Variants in DNAJC10 observed in about 807,000 individuals in gnomAD.
DNAJC10 encodes DnaJ heat shock protein family (Hsp40) member C10.
In DNAJC10, 101 loss-of-function variants were observed where a neutral mutation model predicts 115.0. That is an observed-to-expected ratio of 0.88 (90% CI 0.75 to 1.04). The LOEUF (loss-of-function observed/expected upper bound fraction) is 1.04. DNAJC10 is among the 50% of genes least tolerant of loss of function. The pLI, the probability that DNAJC10 is intolerant of heterozygous loss-of-function variation, is 0.00. For synonymous variants in DNAJC10, 307 were observed against 301.5 expected (o/e 1.02, Z -0.19); for missense variants, 981 against 928.8 (o/e 1.06, Z -0.73).
At chr2:182,770,227 A>G (rs1694524776) in intron 22 of DNAJC10, among the ~76,000 whole-genome samples, 3 of 152,100 alleles carry the variant, frequency 2.0e-5, no homozygotes, top group African/African-American at 7.2e-5. Flanking sequence ...GCCTTGTAGT[A>G]TAGTTTGAAG....
chr2:182,789,912 TTTAAA>T lies in DNAJC10; in HGVS notation c.*12784_*12788del, dbSNP rs749196727. ...AGTTTTGATTTGTACTTTTAGAGTC[TTTAAA>T]TTATTACTTTTTCCATATCAAAGTA... On this transcript the variant is annotated 3_prime_UTR_variant, in exon 24 of 24. Transcript: ENST00000264065. 4.6e-5 allele frequency: 7 copies of T among 152,362 alleles called. No homozygotes were observed. The highest frequency in any genetic ancestry group is 7.2e-5 in the African/African-American group (3 of 41,596). The allele number at this position is 152,362 out of a possible 1,614,324, so 9.4% of individuals were successfully genotyped here.
chr2:182,794,028 T>G lies in DNAJC10; in HGVS notation c.*16896T>G, dbSNP rs954397896. 1 of 152,140 alleles carries G rather than the reference T, an allele frequency of 6.6e-6. No individual in the cohort carries two copies. Among genetic ancestry groups the G allele is most frequent in the African/African-American group, 2.4e-5 (1 of 41,428 alleles). 9.4% of individuals were successfully genotyped at this position (152,140 alleles called of 1,614,324 possible). On this transcript the variant is annotated 3_prime_UTR_variant, in exon 24 of 24. Transcript: ENST00000264065. Reference sequence around the variant, plus strand: ...TAGCAGGCAGATGATAAATATATTTTTAGGTGGTTAGGTGATGAAACACCT... The same window carrying G: ...TAGCAGGCAGATGATAAATATATTTGTAGGTGGTTAGGTGATGAAACACCT...
chr2:182,775,857 G>A (rs1405025811), intron 23 of DNAJC10, among the ~76,000 whole-genome samples: 1 of 152,064 alleles, frequency 6.6e-6, no homozygotes, highest in South Asian at 2.1e-4. Flanking sequence ...CAGTCACAAA[G>A]GCCAAATATT....
intron 11 of DNAJC10, chr2:182,739,619 C>G: frequency 8.8e-7 from 1 of 1,138,288 alleles, no homozygotes; most frequent in Non-Finnish European, 1.1e-6. Context: ...AAAATATTGA[C>G]AAATAAAGAA....
chr2:182,788,098 G>A lies in DNAJC10; in HGVS notation c.*10966G>A, dbSNP rs1019098475. On this transcript the variant is annotated 3_prime_UTR_variant, in exon 24 of 24. Coordinates refer to ENST00000264065, the MANE Select transcript of DNAJC10 (RefSeq NM_018981.4). ...TCCTTTCCAATTTGAGCCTCGCAGA[G>A]TGGTTCCTACAGAGAAGGGTGGCAA... The A allele has an allele frequency of 3.3e-5, 5 of 152,476 alleles. No individual in the cohort carries two copies. The highest frequency in any genetic ancestry group is 7.3e-5 in the Non-Finnish European group (5 of 68,182). The allele number at this position is 152,476 out of a possible 1,614,324, so 9.4% of individuals were successfully genotyped here.
At chr2:182,772,178 G>C (rs1223447191) in intron 22 of DNAJC10, among the ~76,000 whole-genome samples, 2 of 152,220 alleles carry the variant, frequency 1.3e-5, no homozygotes, top group Non-Finnish European at 2.9e-5. Flanking sequence ...ACTGTGGTCT[G>C]AGAGACAATT....
In DNAJC10 at chr2:182,784,892, G is replaced by A. The variant is rs746238734; in HGVS notation, c.*7760G>A. 1.6e-4 allele frequency: 25 copies of A among 152,172 alleles called. No individual in the cohort carries two copies. The highest frequency in any genetic ancestry group is 3.2e-4 in the Non-Finnish European group (22 of 68,030). 9.4% of individuals were successfully genotyped at this position (152,172 alleles called of 1,614,324 possible). On this transcript the variant is annotated 3_prime_UTR_variant, in exon 24 of 24. Coordinates refer to ENST00000264065, the MANE Select transcript of DNAJC10 (RefSeq NM_018981.4). The stretch of plus-strand genomic sequence containing the variant: ...GAAATAACATCAGGTACCAGTAGAT[G>A]GCAGTGAAAAATAAGCAGACACATT...
Position 182,752,151 on chromosome 2 carries a change from C to T in DNAJC10, c.1514C>T (p.Thr505Ile), listed in dbSNP as rs1325207807. Residue 505 changes from threonine (T) to isoleucine (I), a missense_variant, in exon 16 of 24, where the codon ACA becomes ATA. Coordinates refer to ENST00000264065, the MANE Select transcript of DNAJC10 (RefSeq NM_018981.4). ...NLLYGQLKFG[T>I]LDCTVHEGLC... is the part of the protein sequence containing the mutation. Reference sequence around the variant, plus strand: ...CTTTATGGTCAGCTTAAGTTTGGTACACTAGATTGTACAGTTCATGAGGGA... The same window carrying T: ...CTTTATGGTCAGCTTAAGTTTGGTATACTAGATTGTACAGTTCATGAGGGA... 1.9e-6 allele frequency: 3 copies of T among 1,612,908 alleles called. No individual in the cohort carries two copies. Among genetic ancestry groups the T allele is most frequent in the South Asian group, 2.2e-5 (2 of 91,002 alleles).
In DNAJC10 at chr2:182,752,063, C is replaced by G; in HGVS notation, c.1435-9C>G. On this transcript the variant is annotated splice_polypyrimidine_tract_variant and intron_variant, in intron 15 of 23. Coordinates refer to ENST00000264065, the MANE Select transcript of DNAJC10 (RefSeq NM_018981.4). ...GGCTCGGTGCTTATGAATATTTTTT[C>G]TTTCCTAGTGGTGTCCACCATGTCG... The G allele has an allele frequency of 6.3e-7, 1 of 1,593,484 alleles. No homozygotes were observed. The highest frequency in any genetic ancestry group is 8.6e-7 in the Non-Finnish European group (1 of 1,166,840).
chr2:182,732,519 C>T lies in DNAJC10; in HGVS notation c.826C>T (p.Arg276Ter), dbSNP rs980369401. Reference protein sequence around the residue: ...KGGDCLTSQTRLRLSGMLDGL... With the variant: ...KGGDCLTSQT ...CCCAGATTGTTTGACTTCACAGACA[C>T]GACTCAGGCTTAGTGGCATGTTGGT... The change falls in exon 10 of 24, where the codon CGA becomes TGA. Residue 276 changes from arginine to a stop codon, truncating the protein, a stop_gained. Coordinates refer to ENST00000264065, the MANE Select transcript of DNAJC10 (RefSeq NM_018981.4). LOFTEE classifies it high-confidence loss of function. 8.1e-6 allele frequency: 13 copies of T among 1,613,180 alleles called. No homozygotes were observed. The highest frequency in any genetic ancestry group is 1.1e-5 in the Non-Finnish European group (13 of 1,179,456).
At chr2:182,740,513 A>G (rs1049907636) in intron 12 of DNAJC10, 125 bp downstream of exon 12, 8 of 880,660 alleles carry the variant, frequency 9.1e-6, no homozygotes, top group Non-Finnish European at 1.1e-5. Context: ...GTTTCAAAGG[A>G]TTATATATTA....
rs535934481 is a variant in DNAJC10 at position 182,781,249 on chromosome 2, A to G, written c.*4117A>G. On this transcript the variant is annotated 3_prime_UTR_variant, in exon 24 of 24. Transcript: ENST00000264065. Reference sequence around the variant, plus strand: ...TTTCTGTTCCTGTTAGTTTGCTGAGAATAATGGTTTCCGGCTTCATCCCTG... The same window carrying G: ...TTTCTGTTCCTGTTAGTTTGCTGAGGATAATGGTTTCCGGCTTCATCCCTG... 5.3e-5 allele frequency: 8 copies of G among 152,260 alleles called. No homozygotes were observed. Among genetic ancestry groups the G allele is most frequent in the African/African-American group, 1.9e-4 (8 of 41,544 alleles). The allele number at this position is 152,260 out of a possible 1,614,324, so 9.4% of individuals were successfully genotyped here. A position where few individuals can be genotyped will look rare whatever the true frequency, so the allele number is the denominator to read the frequency against.
At chr2:182,756,602 T>C in intron 18 of DNAJC10, 133 bp downstream of exon 18, 1 of 852,578 alleles carries the variant, frequency 1.2e-6, no homozygotes. Flanking sequence ...CATACCACTT[T>C]GATTCCAGCT....
At chr2:182,768,803 G>A (rs927662949) in intron 22 of DNAJC10, among the ~76,000 whole-genome samples, 6 of 152,012 alleles carry the variant, frequency 3.9e-5, no homozygotes, top group Non-Finnish European at 5.9e-5. Context: ...GAATGAGTTC[G>A]GTCCTCTGGG....
chr2:182,761,926 G>T (rs1049953894), intron 21 of DNAJC10, among the ~76,000 whole-genome samples: 1 of 151,950 alleles, frequency 6.6e-6, no homozygotes, highest in Non-Finnish European at 1.5e-5. Context: ...ACAGTCAGAG[G>T]GGTAAGAAAG....
In DNAJC10 at chr2:182,792,368, TGAA is replaced by T. The variant is rs926444361; in HGVS notation, c.*15239_*15241del. The T allele has an allele frequency of 2.6e-5, 4 of 152,160 alleles. No individual in the cohort carries two copies. The highest frequency in any genetic ancestry group is 4.4e-5 in the Non-Finnish European group (3 of 68,012). 9.4% of individuals were successfully genotyped at this position (152,160 alleles called of 1,614,324 possible). On this transcript the variant is annotated 3_prime_UTR_variant, in exon 24 of 24. Coordinates refer to ENST00000264065, the MANE Select transcript of DNAJC10 (RefSeq NM_018981.4). The stretch of plus-strand genomic sequence containing the variant: ...TAACATTTTGAGGTACAAAAAATAA[TGAA>T]GAGGATATATTCCAATTTCTTTCCT...
Position 182,741,216 on chromosome 2 carries a change from C to T in DNAJC10, c.1078-27C>T, listed in dbSNP as rs759729744. ...AACCCTTAGAATTTCCCATCTCTGA[C>T]ATTTTGTTTTCTTTATCACTTTTAA... On this transcript the variant is annotated intron_variant, in intron 12 of 23. Transcript: ENST00000264065. The T allele has an allele frequency of 4.1e-6, 6 of 1,461,630 alleles. No homozygotes were observed. The African/African-American group carries it at 4.3e-5, about 10-fold the overall frequency. The allele number at this position is 1,461,630 out of a possible 1,614,324, so 90.5% of individuals were successfully genotyped here.
intron 16 of DNAJC10, among the ~76,000 whole-genome samples, chr2:182,753,127 T>C (rs1219953106): frequency 6.6e-6 from 1 of 152,182 alleles, no homozygotes; most frequent in African/African-American, 2.4e-5. Context: ...GATGAAATTA[T>C]AGATCATCTG....
rs559711906 is a variant in DNAJC10 at position 182,783,340 on chromosome 2, G to C, written c.*6208G>C. On this transcript the variant is annotated 3_prime_UTR_variant, in exon 24 of 24. Coordinates refer to ENST00000264065, the MANE Select transcript of DNAJC10 (RefSeq NM_018981.4). ...TAACTAAAACATGGTTCTGAAGCCA[G>C]TTAACTAGCAAAAAGTCCCACCTAT... 6.6e-6 allele frequency: 1 copy of C among 152,262 alleles called. No individual in the cohort carries two copies. Among genetic ancestry groups the C allele is most frequent in the Non-Finnish European group, 1.5e-5 (1 of 68,012 alleles). 9.4% of individuals were successfully genotyped at this position (152,262 alleles called of 1,614,324 possible). A position where few individuals can be genotyped will look rare whatever the true frequency, so the allele number is the denominator to read the frequency against.
Sources: allele counts gnomAD v4.1 joint callset (sites outside exome capture counted in the v4.1 genomes callset), GRCh38; gene constraint gnomAD v4.1.1; transcripts MANE v1.5; gene names NCBI Gene and HGNC (gene_info 2026-07-23, HGNC 2026-07-21).